The following CBFB variants were observed in gnomAD, a reference collection of about 807,000 sequenced individuals.
CBFB encodes CBF-beta.
A neutral mutation model predicts 30.4 loss-of-function variants in CBFB; 9 were observed. The observed-to-expected ratio is 0.30, with a 90% CI of 0.18 to 0.52. The LOEUF is 0.52. CBFB is among the 20% of genes least tolerant of loss of function. CBFB has a pLI of 0.97. For synonymous variants in CBFB, 94 were observed against 84.0 expected, an observed-to-expected ratio of 1.12 and a Z score of -0.65; for missense variants, 170 against 244.0, an observed-to-expected ratio of 0.70 and a Z score of 2.02.
intron 2 of CBFB, among the ~76,000 whole-genome samples, chr16:67,034,276 T>A (rs1216326083): frequency 6.6e-6 from 1 of 152,196 alleles, no homozygotes; most frequent in Non-Finnish European, 1.5e-5. Context: ...AAAGATTGAA[T>A]GGTAAAAAGT....
intron 3 of CBFB, among the ~76,000 whole-genome samples, chr16:67,048,827 T>G (rs1198579100): frequency 6.8e-6 from 1 of 147,686 alleles, no homozygotes; most frequent in Non-Finnish European, 1.5e-5. Context: ...TTTTTTCTTT[T>G]TTTTTTTTTT....
intron 4 of CBFB, among the ~76,000 whole-genome samples, chr16:67,070,461 T>C (rs892927714): frequency 6.6e-6 from 1 of 152,172 alleles, no homozygotes; most frequent in African/African-American, 2.4e-5. Flanking sequence ...AAATAATAAA[T>C]AACCAGCAAT....
chr16:67,031,051 C>A (rs947172882), intron 2 of CBFB, among the ~76,000 whole-genome samples: 1 of 152,198 alleles, frequency 6.6e-6, no homozygotes, highest in African/African-American at 2.4e-5. Context: ...CTCCCACCCC[C>A]TTTATAAAAC....
chr16:67,070,518 A>G (rs1961188956), intron 4 of CBFB, among the ~76,000 whole-genome samples: 1 of 152,224 alleles, frequency 6.6e-6, no homozygotes, highest in Non-Finnish European at 1.5e-5. Context: ...GACTTTATTT[A>G]TATAAGGAAA....
rs2145705940 is a variant in CBFB, at chr16:67,031,734, A to G, written c.165+1921A>G. 1.3e-5 allele frequency among the ~76,000 whole-genome samples: 2 copies of G among 151,688 alleles called. 1 individual carries two copies. Among genetic ancestry groups the G allele is most frequent in the South Asian group, 4.2e-4 (2 of 4,798 alleles). Reference sequence around the variant, plus strand: ...CACCATCTTGGCCAGGCTTGTTTTGAACTCCTGACCTTAAGTAATCCTCCC... The same window carrying G: ...CACCATCTTGGCCAGGCTTGTTTTGGACTCCTGACCTTAAGTAATCCTCCC... On this transcript the variant is annotated intron_variant, in intron 2 of 5. Coordinates refer to ENST00000412916, the MANE Select transcript of CBFB (RefSeq NM_022845.3).
At chr16:67,052,749 C>T (rs915067414) in intron 3 of CBFB, among the ~76,000 whole-genome samples, 2 of 151,844 alleles carry the variant, frequency 1.3e-5, no homozygotes, top group Non-Finnish European at 2.9e-5. Flanking sequence ...ATTACTTGAG[C>T]CCAGGAGTTA....
chr16:67,029,360 C>G lies in CBFB; in HGVS notation c.-48C>G, dbSNP rs964999771. The G allele has an allele frequency of 1.2e-5, 16 of 1,364,940 alleles. No homozygotes were observed. The highest frequency in any genetic ancestry group is 3.4e-5 in the Admixed American group (1 of 29,562). The allele number at this position is 1,364,940 out of a possible 1,614,324, so 84.6% of individuals were successfully genotyped here. A position where few individuals can be genotyped will look rare whatever the true frequency, so the allele number is the denominator to read the frequency against. ...AGCGCGGAGCCAGCCAGCGGGTGCC[C>G]GCGCAAGCCCCGAGCGCGGCCGGCC... On this transcript the variant is annotated 5_prime_UTR_variant, in exon 1 of 6. Transcript: ENST00000412916.
Position 67,099,678 on chromosome 16 carries a change from C to G in CBFB, c.*900C>G, listed in dbSNP as rs1380391088. 4.9e-6 allele frequency: 1 copy of G among 205,658 alleles called. No individual in the cohort carries two copies. The highest frequency in any genetic ancestry group is 1.0e-5 in the Non-Finnish European group (1 of 100,434). 12.7% of individuals were successfully genotyped at this position (205,658 alleles called of 1,614,324 possible). A position where few individuals can be genotyped will look rare whatever the true frequency, so the allele number is the denominator to read the frequency against. On this transcript the variant is annotated 3_prime_UTR_variant, in exon 6 of 6. Transcript: ENST00000412916. ...TCTACTGAAATGCCTAAAGAAGTCA[C>G]AGGCTGGCTTCTGTTTTATTCAGGG...
intron 5 of CBFB, 148 bp from the exon 6 acceptor site, chr16:67,098,562 T>C: frequency 3.5e-6 from 2 of 569,012 alleles, no homozygotes; most frequent in South Asian, 2.5e-5. Context: ...TTTAATTGGT[T>C]TTTTTTTGCC....
chr16:67,040,488 A>G (rs1259870683), intron 3 of CBFB, among the ~76,000 whole-genome samples: 1 of 152,220 alleles, frequency 6.6e-6, no homozygotes, highest in East Asian at 1.9e-4. Flanking sequence ...GTAGAATGAG[A>G]TTAATGGGTA....
rs1341026754 is a variant in CBFB at position 67,099,257 on chromosome 16, T to G, written c.*479T>G. 1 of 232,340 alleles carries G rather than the reference T, an allele frequency of 4.3e-6. No individual in the cohort carries two copies. Among genetic ancestry groups the G allele is most frequent in the African/African-American group, 2.2e-5 (1 of 45,278 alleles). The allele number at this position is 232,340 out of a possible 1,614,324, so 14.4% of individuals were successfully genotyped here. A position where few individuals can be genotyped will look rare whatever the true frequency, so the allele number is the denominator to read the frequency against. Reference sequence around the variant, plus strand: ...TTGTTTTGTTTGCCCCATTTCCTTTTGTGTTTTTATAGTCTATAGCATTTT... The same window carrying G: ...TTGTTTTGTTTGCCCCATTTCCTTTGGTGTTTTTATAGTCTATAGCATTTT... On this transcript the variant is annotated 3_prime_UTR_variant, in exon 6 of 6. Coordinates refer to ENST00000412916, the MANE Select transcript of CBFB (RefSeq NM_022845.3).
At chr16:67,036,062 A>G (rs983697537) in intron 2 of CBFB, among the ~76,000 whole-genome samples, 14 of 152,128 alleles carry the variant, frequency 9.2e-5, no homozygotes, top group African/African-American at 3.4e-4. Flanking sequence ...CTAAAGTCAA[A>G]TGTGAGAAAA....
chr16:67,074,038 CA>C (rs1263770640), intron 4 of CBFB, among the ~76,000 whole-genome samples: 1 of 151,728 alleles, frequency 6.6e-6, no homozygotes, highest in African/African-American at 2.4e-5. Flanking sequence ...TCAAAAAAAA[CA>C]AAAAACAAAA....
intron 5 of CBFB, among the ~76,000 whole-genome samples, chr16:67,095,045 C>T (rs1376490847): frequency 1.3e-5 from 2 of 151,500 alleles, no homozygotes; most frequent in Non-Finnish European, 2.9e-5. Context: ...TGGTGAAACC[C>T]TGTCTCTACT....
chr16:67,051,937 A>ACACACACG (rs1960558570), intron 3 of CBFB, among the ~76,000 whole-genome samples: 1 of 151,398 alleles, frequency 6.6e-6, no homozygotes, highest in Non-Finnish European at 1.5e-5. Flanking sequence ...ACACACACAC[A>ACACACACG]CACACACGCA....
intron 4 of CBFB, among the ~76,000 whole-genome samples, chr16:67,072,780 T>C (rs1693097925): frequency 6.6e-6 from 1 of 152,034 alleles, no homozygotes; most frequent in Admixed American, 6.6e-5. Context: ...TTTTCTTTTT[T>C]TTTTTTTAGC....
rs1961543393 is a variant in CBFB, at chr16:67,081,137, CCCACAA to C, written c.400-1074_400-1069del. ...TGCTATCCCTCCCCCCTCCCCCCAC[CCCACAA>C]CAGTCCCCAGAGTGTGATGTTCCCC... On this transcript the variant is annotated intron_variant, in intron 4 of 5. Coordinates refer to ENST00000412916, the MANE Select transcript of CBFB (RefSeq NM_022845.3). 1.7e-5 allele frequency among the ~76,000 whole-genome samples: 2 copies of C among 116,786 alleles called. 1 individual carries two copies. Among genetic ancestry groups the C allele is most frequent in the Non-Finnish European group, 3.4e-5 (2 of 58,868 alleles). The allele number at this position is 116,786 out of a possible 152,430, so 76.6% of individuals were successfully genotyped here.
At chr16:67,037,200 A>G (rs956884352) in intron 3 of CBFB, among the ~76,000 whole-genome samples, 1 of 152,182 alleles carries the variant, frequency 6.6e-6, no homozygotes. Flanking sequence ...CCCGGCCAAT[A>G]TAATTTTTTA....
intron 3 of CBFB, among the ~76,000 whole-genome samples, chr16:67,060,933 G>T (rs1290242041): frequency 6.6e-6 from 1 of 152,142 alleles, no homozygotes; most frequent in African/African-American, 2.4e-5. Context: ...GGTTCATTCT[G>T]TGTTGTTGTG....
Sources: allele counts gnomAD v4.1 joint callset (sites outside exome capture counted in the v4.1 genomes callset), GRCh38; gene constraint gnomAD v4.1.1; transcripts MANE v1.5; gene names NCBI Gene and HGNC (gene_info 2026-07-23, HGNC 2026-07-21).